CTNNA2: variants seen among roughly 807,000 people sequenced by gnomAD.
The protein encoded by CTNNA2 is catenin alpha-2.
Under a neutral mutation model 101.0 loss-of-function variants are expected in CTNNA2, and 42 were observed. That is an observed-to-expected ratio of 0.42 (90% confidence interval 0.32 to 0.54). The LOEUF is 0.54. CTNNA2 is among the 20% of genes least tolerant of loss of function. The pLI, the probability that CTNNA2 is intolerant of heterozygous loss-of-function variation, is 0.14. For synonymous variants in CTNNA2, 450 were observed against 456.4 expected, an observed-to-expected ratio of 0.99 and a Z score of 0.18; for missense variants, 871 against 1,223.1, an observed-to-expected ratio of 0.71 and a Z score of 4.29.
intron 1 of CTNNA2, among the ~76,000 whole-genome samples, chr2:79,541,904 C>T (rs562199218): frequency 3.3e-5 from 5 of 152,186 alleles, no homozygotes; most frequent in African/African-American, 7.2e-5. Flanking sequence ...GGATTACAGG[C>T]GTGAGCCACC....
At chr2:80,494,313 GCA>G (rs953702639) in intron 9 of CTNNA2, among the ~76,000 whole-genome samples, 1 of 152,182 alleles carries the variant, frequency 6.6e-6, no homozygotes, top group Non-Finnish European at 1.5e-5. Context: ...TGGACAGGAA[GCA>G]CACAGTCCAC....
intron 1 of CTNNA2, chr2:79,636,762 T>A (rs1680099113): frequency 6.6e-6 from 1 of 152,224 alleles, no homozygotes; most frequent in South Asian, 2.1e-4. Context: ...ATAACTACTG[T>A]TAAAATTTTG....
In CTNNA2 at chr2:80,546,198, T is replaced by C. The variant is rs1361190506; in HGVS notation, c.1540+135T>C. 5 of 1,072,196 alleles carry C rather than the reference T, an allele frequency of 4.7e-6. No individual in the cohort carries two copies. The East Asian group carries it at 1.3e-4, about 28-fold the overall frequency. The allele number at this position is 1,072,196 out of a possible 1,614,324, so 66.4% of individuals were successfully genotyped here. On this transcript the variant is annotated intron_variant, in intron 11 of 18. Transcript: ENST00000402739. ...ATCTTTGAGCTTTTTTGATCATCTC[T>C]GCAAATGTGATTATAACACCCTCTT...
At chr2:80,546,450 A>T (rs920888914) in intron 11 of CTNNA2, among the ~76,000 whole-genome samples, 1 of 152,178 alleles carries the variant, frequency 6.6e-6, no homozygotes, top group African/African-American at 2.4e-5. Context: ...CAATTTGGCT[A>T]TGTTAAGTTT....
chr2:80,632,979 C>A (rs961632277), intron 18 of CTNNA2, among the ~76,000 whole-genome samples: 3 of 152,078 alleles, frequency 2.0e-5, no homozygotes, highest in Non-Finnish European at 4.4e-5. Flanking sequence ...AGTGGGACAG[C>A]CAAGACTTAG....
chr2:80,167,596 TG>T (rs1704788401), intron 7 of CTNNA2, among the ~76,000 whole-genome samples: 1 of 152,218 alleles, frequency 6.6e-6, no homozygotes, highest in African/African-American at 2.4e-5. Flanking sequence ...AATGTGGACC[TG>T]AGGGTACCAG....
intron 2 of CTNNA2, among the ~76,000 whole-genome samples, chr2:79,726,911 T>C (rs1686879337): frequency 6.6e-6 from 1 of 152,210 alleles, no homozygotes; most frequent in Non-Finnish European, 1.5e-5. Context: ...AAAAATTCCT[T>C]GGCTATAAAA....
chr2:79,515,496 G>T (rs939322297), intron 1 of CTNNA2, among the ~76,000 whole-genome samples: 1 of 152,094 alleles, frequency 6.6e-6, no homozygotes, highest in Non-Finnish European at 1.5e-5. Context: ...AGAGTGGTGT[G>T]GGTGTATGCC....
intron 2 of CTNNA2, among the ~76,000 whole-genome samples, chr2:79,293,705 T>A (rs1675891568): frequency 6.6e-6 from 1 of 152,154 alleles, no homozygotes; most frequent in Non-Finnish European, 1.5e-5. Context: ...AGGACATGTG[T>A]TTGATCCCTT....
chr2:80,602,626 A>G (rs1003366200), intron 15 of CTNNA2, among the ~76,000 whole-genome samples: 5 of 152,126 alleles, frequency 3.3e-5, no homozygotes, highest in African/African-American at 1.2e-4. Context: ...GTTCCTTAAA[A>G]AATAAAAACC....
intron 9 of CTNNA2, among the ~76,000 whole-genome samples, chr2:80,483,878 G>A (rs1354418600): frequency 1.3e-5 from 2 of 152,140 alleles, no homozygotes; most frequent in Non-Finnish European, 2.9e-5. Flanking sequence ...GCTGTACAGT[G>A]TAGCTTGGTG....
chr2:80,055,935 T>C (rs1697187798), intron 7 of CTNNA2, among the ~76,000 whole-genome samples: 1 of 152,198 alleles, frequency 6.6e-6, no homozygotes, highest in Admixed American at 6.5e-5. Flanking sequence ...AGAGTACAGG[T>C]GCAGATTTAA....
intron 2 of CTNNA2, among the ~76,000 whole-genome samples, chr2:79,201,465 G>A (rs1164999212): frequency 1.3e-5 from 2 of 152,064 alleles, no homozygotes; most frequent in African/African-American, 2.4e-5. Flanking sequence ...TGTTGGAAAT[G>A]AGCTCGAATT....
intron 7 of CTNNA2, among the ~76,000 whole-genome samples, chr2:80,168,686 C>T (rs1437007046): frequency 6.6e-6 from 1 of 152,122 alleles, no homozygotes; most frequent in South Asian, 2.1e-4. Context: ...TCCCATTGGG[C>T]AGCTTTACAA....
At chr2:79,828,579 C>G (rs1418663673) in intron 3 of CTNNA2, among the ~76,000 whole-genome samples, 1 of 152,130 alleles carries the variant, frequency 6.6e-6, no homozygotes, top group East Asian at 1.9e-4. Context: ...AATGGCATTG[C>G]CTTTCAGACA....
intron 4 of CTNNA2, among the ~76,000 whole-genome samples, chr2:79,425,730 A>T (rs565704221): frequency 6.6e-6 from 1 of 152,204 alleles, no homozygotes; most frequent in Non-Finnish European, 1.5e-5. Context: ...ATATGCTCTT[A>T]TACGAAAGGA....
chr2:79,351,451 T>C, intron 3 of CTNNA2, among the ~76,000 whole-genome samples: 1 of 152,170 alleles, frequency 6.6e-6, no homozygotes, highest in East Asian at 1.9e-4. Context: ...ACTTTTATTT[T>C]ACAATCGGGG....
rs750275092 is a variant in CTNNA2 at position 80,647,898 on chromosome 2, TTTTCTTTCTTTTC to T, written c.*39_*51del. ...GACGATAGGTTTTAACAAGAAAGCT[TTTTCTTTCTTTTC>T]TTTCTTTCTTTTTCTTTTTAATTCC... On this transcript the variant is annotated 3_prime_UTR_variant, in exon 19 of 19. Coordinates refer to ENST00000402739, the MANE Select transcript of CTNNA2 (RefSeq NM_001282597.3). 12 of 1,522,014 alleles carry T rather than the reference TTTTCTTTCTTTTC, an allele frequency of 7.9e-6. No individual in the cohort carries two copies. The highest frequency in any genetic ancestry group is 1.3e-5 in the South Asian group (1 of 75,754). 94.3% of individuals were successfully genotyped at this position (1,522,014 alleles called of 1,614,324 possible).
chr2:80,644,925 C>G (rs1673903077), intron 18 of CTNNA2, among the ~76,000 whole-genome samples: 1 of 152,078 alleles, frequency 6.6e-6, no homozygotes, highest in South Asian at 2.1e-4. Flanking sequence ...AAGAGACAGG[C>G]TCTCATATTT....
Sources: allele counts gnomAD v4.1 joint callset (sites outside exome capture counted in the v4.1 genomes callset), GRCh38; gene constraint gnomAD v4.1.1; transcripts MANE v1.5; gene names NCBI Gene and HGNC (gene_info 2026-07-23, HGNC 2026-07-21).